POLA1: variants seen among roughly 807,000 people sequenced by gnomAD.
POLA1 encodes the protein DNA polymerase alpha catalytic subunit.
POLA1 carries 15 observed loss-of-function variants against 124.0 expected under a neutral mutation model. That is an observed-to-expected ratio of 0.12 (90% CI 0.08 to 0.19). The LOEUF (loss-of-function observed/expected upper bound fraction) is 0.19, where lower values mean the gene tolerates loss of function less well. POLA1 is among the 10% of genes least tolerant of loss of function. The pLI, the probability that POLA1 is intolerant of heterozygous loss-of-function variation, is 1.00. For missense variants in POLA1, 886 were observed against 1,103.4 expected, an observed-to-expected ratio of 0.80 and a Z score of 2.79; for synonymous variants, 408 against 389.4, an observed-to-expected ratio of 1.05 and a Z score of -0.56.
At chrX:24,990,474 T>C (rs973790826) in intron 36 of POLA1, among the ~76,000 whole-genome samples, 1 of 112,466 alleles carries the variant, frequency 8.9e-6, no homozygotes, top group African/African-American at 3.2e-5. Flanking sequence ...CTGTTTGAAA[T>C]CCACTGGTAC....
intron 32 of POLA1, among the ~76,000 whole-genome samples, chrX:24,834,175 C>T (rs932819294): frequency 1.8e-5 from 2 of 109,390 alleles, no homozygotes; most frequent in Non-Finnish European, 3.8e-5. Context: ...ATACACATCT[C>T]GTTAAGTTAA....
Position 24,735,555 on chromosome X carries a change from A to G in POLA1, c.1923+67A>G. 9 of 639,516 alleles carry G rather than the reference A, an allele frequency of 1.4e-5. 1 individual carries two copies. The South Asian group carries it at 2.2e-4, about 16-fold the overall frequency. 52.7% of individuals were successfully genotyped at this position (639,516 alleles called of 1,213,427 possible). A position where few individuals can be genotyped will look rare whatever the true frequency, so the allele number is the denominator to read the frequency against. On this transcript the variant is annotated intron_variant, in intron 18 of 36. Transcript: ENST00000379068. The stretch of plus-strand genomic sequence containing the variant: ...TCTTAGTTCTTTTCAGTGTGACTTT[A>G]TTGGTGCTTTTGAGCAGCAAATAAT...
chrX:24,995,798 T>TC lies in POLA1; in HGVS notation c.4262-7_4262-6insC. On this transcript the variant is annotated splice_region_variant and splice_polypyrimidine_tract_variant and intron_variant, in intron 36 of 36. Coordinates refer to ENST00000379068, the MANE Select transcript of POLA1 (RefSeq NM_001330360.2). Reference sequence around the variant, plus strand: ...GAGACTTCTAATCTCTCTCTCTCTCTTTTTAGATAAATTGAAGAAGCAATT... The same window carrying TC: ...GAGACTTCTAATCTCTCTCTCTCTCTCTTTTAGATAAATTGAAGAAGCAATT... The TC allele has an allele frequency of 4.2e-6, 5 of 1,199,397 alleles. No individual in the cohort carries two copies. In the Admixed American group the frequency reaches 6.5e-5, roughly 16 times the overall value.
chrX:24,784,759 G>A (rs1373677978), intron 26 of POLA1, among the ~76,000 whole-genome samples: 3 of 111,913 alleles, frequency 2.7e-5, no homozygotes, highest in African/African-American at 9.7e-5. Context: ...GGTCTCACAG[G>A]TAAGCAGCAA....
chrX:24,952,345 G>C (rs1330326705), intron 36 of POLA1, among the ~76,000 whole-genome samples: 1 of 111,776 alleles, frequency 8.9e-6, no homozygotes, highest in Non-Finnish European at 1.9e-5. Context: ...AAATCTGTTA[G>C]CTGCAGAATT....
rs769412757 is a variant in POLA1 at position 24,888,073 on chromosome X, G to A, written c.4115G>A (p.Arg1372Gln). 5 of 1,206,935 alleles carry A rather than the reference G, an allele frequency of 4.1e-6. No homozygotes were observed. The highest frequency in any genetic ancestry group is 3.0e-5 in the East Asian group (1 of 33,760). ...CGTCACCTTCCCCTTCAATTCTCCCGAACTGGGCCTCTTTGCCCAGCCTGC... is the reference window on the plus strand; with the variant it reads ...CGTCACCTTCCCCTTCAATTCTCCCAAACTGGGCCTCTTTGCCCAGCCTGC... ...RTRHLPLQFS[R>Q]TGPLCPACMK... Residue 1372 changes from arginine to glutamine, a missense_variant, in exon 35 of 37, where the codon CGA (arginine) becomes CAA (glutamine). Transcript: ENST00000379068.
At chrX:24,802,356 A>G (rs2045729140) in intron 26 of POLA1, among the ~76,000 whole-genome samples, 1 of 111,692 alleles carries the variant, frequency 9.0e-6, no homozygotes, top group South Asian at 3.8e-4. Context: ...GCATGTAAAA[A>G]CACAGAAGCA....
chrX:24,967,395 C>T (rs1359806380), intron 36 of POLA1, among the ~76,000 whole-genome samples: 1 of 110,660 alleles, frequency 9.0e-6, no homozygotes, highest in Admixed American at 9.6e-5. Context: ...TGAGGCTGGG[C>T]GCAGTGGCTC....
intron 15 of POLA1, among the ~76,000 whole-genome samples, chrX:24,728,413 G>A (rs1930676812): frequency 1.8e-5 from 2 of 111,558 alleles, no homozygotes; most frequent in South Asian, 7.5e-4. Context: ...TGACTCCTTG[G>A]TATAATCTAA....
chrX:24,952,700 G>A (rs1287650411), intron 36 of POLA1, among the ~76,000 whole-genome samples: 2 of 112,277 alleles, frequency 1.8e-5, no homozygotes, highest in Non-Finnish European at 3.8e-5. Flanking sequence ...AATAAATGCA[G>A]TTTTTTAGTA....
chrX:24,876,083 G>A (rs2046927473), intron 34 of POLA1, among the ~76,000 whole-genome samples: 1 of 111,898 alleles, frequency 8.9e-6, no homozygotes, highest in Non-Finnish European at 1.9e-5. Flanking sequence ...TTGAGGTGGT[G>A]TTTACTAAAA....
intron 4 of POLA1, among the ~76,000 whole-genome samples, chrX:24,712,286 A>G (rs1444235805): frequency 9.0e-6 from 1 of 110,535 alleles, no homozygotes; most frequent in Admixed American, 9.6e-5. Context: ...GGGTTTCACT[A>G]TGTTGGCCAG....
At position 24,693,926 on chromosome X, in the gene POLA1, T is replaced by C; in HGVS notation, c.-36T>C. The C allele has an allele frequency of 8.5e-7, 1 of 1,176,118 alleles. No individual in the cohort carries two copies. Among genetic ancestry groups the C allele is most frequent in the Non-Finnish European group, 1.1e-6 (1 of 874,549 alleles). On this transcript the variant is annotated 5_prime_UTR_variant, in exon 1 of 37. Coordinates refer to ENST00000379068, the MANE Select transcript of POLA1 (RefSeq NM_001330360.2). ...CCTGTCTCGGCCCCCGCGCCAGTTT[T>C]GGGCTGGTTGGCGCGGAATCGGGAG...
intron 24 of POLA1, among the ~76,000 whole-genome samples, chrX:24,746,394 ATAAT>A (rs1448419144): frequency 1.8e-5 from 2 of 112,106 alleles, no homozygotes; most frequent in African/African-American, 6.5e-5. Context: ...CAGCATGGTG[ATAAT>A]TAATATTATT....
intron 4 of POLA1, among the ~76,000 whole-genome samples, chrX:24,704,679 T>G (rs889475073): frequency 1.8e-5 from 2 of 112,069 alleles, no homozygotes; most frequent in East Asian, 5.5e-4. Context: ...AAATGAAGTT[T>G]CATGTCTCTG....
Position 24,864,763 on chromosome X carries a change from A to T in POLA1, c.4047+21086A>T, listed in dbSNP as rs79411802. On this transcript the variant is annotated intron_variant, in intron 34 of 36. Coordinates refer to ENST00000379068, the MANE Select transcript of POLA1 (RefSeq NM_001330360.2). ...TTCCTCTGAATCCCTAAAGAACTTT[A>T]AAAGTATAACTTTTCTCCCCCCATT... Among the ~76,000 whole-genome samples, 5 of 110,470 alleles carry T rather than the reference A, an allele frequency of 4.5e-5. No individual in the cohort carries two copies. In the East Asian group the frequency reaches 1.4e-3, roughly 31 times the overall value.
Position 24,806,264 on chromosome X carries a change from A to G in POLA1, c.2965-3634A>G, listed in dbSNP as rs1256567552. 6.5e-5 allele frequency among the ~76,000 whole-genome samples: 7 copies of G among 107,576 alleles called. No individual in the cohort carries two copies. The East Asian group carries it at 1.7e-3, about 27-fold the overall frequency. The allele number at this position is 107,576 out of a possible 115,157, so 93.4% of individuals were successfully genotyped here. On this transcript the variant is annotated intron_variant, in intron 26 of 36. Transcript: ENST00000379068. ...CTTAGGATTATTCACTTAGCATTCT[A>G]TAAATATTTATTAACAGCTCCCATG... is the stretch of plus-strand genomic sequence containing the variant.
Position 24,748,807 on chromosome X carries a change from C to G in POLA1, c.2842-63C>G. On this transcript the variant is annotated intron_variant, in intron 25 of 36. Coordinates refer to ENST00000379068, the MANE Select transcript of POLA1 (RefSeq NM_001330360.2). Reference sequence around the variant, plus strand: ...TTTTATTGGAGATCTAGAAAGACATCTAATGTAATGCTTAACCATCTGTAA... The same window carrying G: ...TTTTATTGGAGATCTAGAAAGACATGTAATGTAATGCTTAACCATCTGTAA... The G allele has an allele frequency of 2.7e-6, 3 of 1,127,297 alleles. No individual in the cohort carries two copies. In the South Asian group the frequency reaches 5.7e-5, roughly 21 times the overall value. The allele number at this position is 1,127,297 out of a possible 1,213,427, so 92.9% of individuals were successfully genotyped here. A position where few individuals can be genotyped will look rare whatever the true frequency, so the allele number is the denominator to read the frequency against.
At chrX:24,729,078 A>G (rs976252906) in intron 15 of POLA1, among the ~76,000 whole-genome samples, 6 of 112,244 alleles carry the variant, frequency 5.3e-5, no homozygotes, top group Non-Finnish European at 1.1e-4. Context: ...GGATCAGTGG[A>G]AAAAAATAAC....
Sources: allele counts gnomAD v4.1 joint callset (sites outside exome capture counted in the v4.1 genomes callset), GRCh38; gene constraint gnomAD v4.1.1; transcripts MANE v1.5; gene names NCBI Gene and HGNC (gene_info 2026-07-23, HGNC 2026-07-21).